Variants in VIRMA observed in about 807,000 individuals in gnomAD.
The protein encoded by VIRMA is vir like m6A methyltransferase associated.
VIRMA carries 65 observed loss-of-function variants against 182.4 expected under a neutral mutation model. The observed-to-expected ratio is 0.36, with a 90% CI of 0.29 to 0.44. The LOEUF is 0.44. VIRMA is among the 20% of genes least tolerant of loss of function. VIRMA has a pLI of 1.00. For synonymous variants in VIRMA, 709 were observed against 743.1 expected (o/e 0.95, Z 0.75); for missense variants, 1,752 against 2,158.1 (o/e 0.81, Z 3.73).
Position 94,527,127 on chromosome 8 carries a change from T to G in VIRMA, c.1117A>C (p.Lys373Gln). The change falls in exon 8 of 24, where the codon AAA becomes CAA. Residue 373 changes from lysine to glutamine, a missense_variant. Around this residue, in one of 11 missense-constraint regions of VIRMA, gnomAD observed 401 missense variants for 455.1 expected, o/e 0.88. Coordinates refer to ENST00000297591, the MANE Select transcript of VIRMA (RefSeq NM_015496.5). ...GCTTCGATTGCCCCTGAATTTTCTT[T>G]ATCTGGACCTTGATCCTTCATTCTA... The part of the protein sequence containing the change: ...ISRMKDQGPD[K>Q]ENSGAIEASV... The G allele has an allele frequency of 6.2e-7, 1 of 1,614,186 alleles. No homozygotes were observed. Among genetic ancestry groups the G allele is most frequent in the African/African-American group, 1.3e-5 (1 of 75,040 alleles).
intron 6 of VIRMA, 64 bp downstream of exon 6, chr8:94,530,899 A>C: frequency 6.4e-7 from 1 of 1,551,878 alleles, no homozygotes; most frequent in Non-Finnish European, 8.7e-7. Context: ...AGACCATCTC[A>C]AAACAAAAAC....
intron 16 of VIRMA, 29 bp downstream of exon 16, chr8:94,506,469 TGA>T: frequency 7.1e-7 from 1 of 1,398,700 alleles, no homozygotes; most frequent in Non-Finnish European, 1.0e-6. Context: ...AAATTAAATC[TGA>T]GAGTATATTA....
rs1433383142 is a variant in VIRMA, at chr8:94,519,120, A to C, written c.2378T>G (p.Leu793Trp). 1 of 1,614,004 alleles carries C rather than the reference A, an allele frequency of 6.2e-7. No homozygotes were observed. Among genetic ancestry groups the C allele is most frequent in the African/African-American group, 1.3e-5 (1 of 74,938 alleles). Residue 793 changes from leucine (L) to tryptophan (W), a missense_variant, in exon 9 of 24, where the codon TTG becomes TGG. Transcript: ENST00000297591. The stretch of plus-strand genomic sequence containing the variant: ...CAAATAAAGATTGTGCAGGGTTCCC[A>C]AGAGATCTGAATGGTCTGTTTCTTC... ...ASEETDHSDL[L>W]GTLHNLYLIT... is the part of the protein sequence containing the mutation.
At chr8:94,526,119 A>G in intron 8 of VIRMA, 104 bp downstream of exon 8, 1 of 806,466 alleles carries the variant, frequency 1.2e-6, no homozygotes, top group Non-Finnish European at 2.0e-6. Flanking sequence ...GTATCCTTAC[A>G]CATAAATAAG....
Position 94,543,933 on chromosome 8 carries a change from G to A in VIRMA, c.73C>T (p.His25Tyr), listed in dbSNP as rs2130389248. 1.3e-6 allele frequency: 2 copies of A among 1,596,724 alleles called. No homozygotes were observed. Among genetic ancestry groups the A allele is most frequent in the Non-Finnish European group, 8.6e-7 (1 of 1,167,616 alleles). The part of the protein sequence containing the change: ...FKHPSAEQSS[H>Y]IDVVRFPCVV... ...CATGGAAAACGAACCACATCTATATGAGAACTTTGCTGTAACAAAAAAAAA... is the reference window on the plus strand; with the variant it reads ...CATGGAAAACGAACCACATCTATATAAGAACTTTGCTGTAACAAAAAAAAA... Residue 25 changes from histidine to tyrosine, a missense_variant, in exon 2 of 24, where the codon CAT becomes TAT. This residue lies in a region of VIRMA where 195 missense variants were observed against 191.7 expected (regional missense o/e 1.02). Transcript: ENST00000297591.
At chr8:94,543,316 ACTTGGAC>A in intron 2 of VIRMA, among the ~76,000 whole-genome samples, 1 of 148,374 alleles carries the variant, frequency 6.7e-6, no homozygotes, top group Non-Finnish European at 1.5e-5. Context: ...CAGGAGACTC[ACTTGGAC>A]CCAGGAGGCA....
At chr8:94,504,668 G>A (rs535207788) in intron 16 of VIRMA, among the ~76,000 whole-genome samples, 1 of 152,144 alleles carries the variant, frequency 6.6e-6, no homozygotes, top group South Asian at 2.1e-4. Context: ...CTATTGCAAT[G>A]GGCTATGCAA....
Position 94,492,666 on chromosome 8 carries a change from G to A in VIRMA, c.4794C>T (p.Thr1598=). The change falls in exon 21 of 24, where the codon ACC becomes ACT. Residue 1598 remains threonine, a synonymous_variant. Transcript: ENST00000297591. ...GFKLGKHKHE[T]FITSSGKSEY... The stretch of plus-strand genomic sequence containing the variant: ...ATAAATTTTACCTTGACGTTATAAA[G>A]GTCTCATGCTTGTGCTTCCCAAGTT... 1.2e-6 allele frequency: 2 copies of A among 1,613,398 alleles called. No individual in the cohort carries two copies. The highest frequency in any genetic ancestry group is 1.7e-6 in the Non-Finnish European group (2 of 1,179,560).
At position 94,526,909 on chromosome 8, in the gene VIRMA, A is replaced by C; in HGVS notation, c.1335T>G (p.Leu445=). ...TMQALNLQVA[L]RQPIALNVRQ... ...GAACATTTAAGGCGATAGGTTGGCG[A>C]AGCGCTACTTGTAAATTTAAAGCTT... Residue 445 remains leucine (L), a synonymous_variant, in exon 8 of 24, where the codon CTT becomes CTG. Coordinates refer to ENST00000297591, the MANE Select transcript of VIRMA (RefSeq NM_015496.5). 1 of 1,614,188 alleles carries C rather than the reference A, an allele frequency of 6.2e-7. No homozygotes were observed. Among genetic ancestry groups the C allele is most frequent in the Non-Finnish European group, 8.5e-7 (1 of 1,180,022 alleles).
chr8:94,534,772 G>C, intron 5 of VIRMA, 67 bp downstream of exon 5: 2 of 1,510,962 alleles, frequency 1.3e-6, no homozygotes, highest in Non-Finnish European at 1.8e-6. Flanking sequence ...AGTGCTCTTC[G>C]AATTATTTTT....
chr8:94,491,741 A>T lies in VIRMA; in HGVS notation c.4977T>A (p.Ala1659=), dbSNP rs774412750. The change falls in exon 22 of 24, where the codon GCT becomes GCA. Residue 1659 remains alanine, a synonymous_variant. Transcript: ENST00000297591. ...GAGGAACCACTTCTTTACTTTCAGC[A>T]GCAACAAAGTCATCCACATGCATAG... The part of the protein sequence containing the change: ...PPSMHVDDFV[A]AESKEVVPQD... The T allele has an allele frequency of 1.9e-6, 3 of 1,614,106 alleles. No homozygotes were observed. Among genetic ancestry groups the T allele is most frequent in the Non-Finnish European group, 2.5e-6 (3 of 1,180,022 alleles).
Position 94,491,926 on chromosome 8 carries a change from A to G in VIRMA, c.4809-17T>C. 2.0e-6 allele frequency: 3 copies of G among 1,495,950 alleles called. No individual in the cohort carries two copies. The highest frequency in any genetic ancestry group is 2.8e-5 in the African/African-American group (2 of 71,370). The allele number at this position is 1,495,950 out of a possible 1,614,324, so 92.7% of individuals were successfully genotyped here. On this transcript the variant is annotated splice_polypyrimidine_tract_variant and intron_variant, in intron 21 of 23. Coordinates refer to ENST00000297591, the MANE Select transcript of VIRMA (RefSeq NM_015496.5). ...GATTTTCCACTATTAAAACAAAAAC[A>G]TGCCATAAAACATTTTTCTTTCAGG...
chr8:94,537,080 T>C, intron 4 of VIRMA, 23 bp downstream of exon 4: 2 of 1,533,322 alleles, frequency 1.3e-6, no homozygotes, highest in South Asian at 2.2e-5. Context: ...AATGACAAGC[T>C]GAAAACTGAC....
At chr8:94,496,267 T>G (rs1813770497) in intron 18 of VIRMA, 61 bp downstream of exon 18, 6 of 1,414,982 alleles carry the variant, frequency 4.2e-6, no homozygotes, top group Non-Finnish European at 5.8e-6. Context: ...ACGAAATACT[T>G]GTACTAGTCA....
intron 15 of VIRMA, among the ~76,000 whole-genome samples, chr8:94,508,323 A>G (rs1173816628): frequency 6.6e-6 from 1 of 152,104 alleles, no homozygotes; most frequent in Admixed American, 6.6e-5. Flanking sequence ...TGATCTCGTG[A>G]TCCACCCATC....
intron 11 of VIRMA, among the ~76,000 whole-genome samples, chr8:94,514,135 ACACT>A (rs910173402): frequency 1.3e-4 from 20 of 152,220 alleles, no homozygotes; most frequent in African/African-American, 3.9e-4. Flanking sequence ...GTGTGCGCAC[ACACT>A]CACGCACAGA....
At chr8:94,519,583 T>A in intron 8 of VIRMA, 107 bp from the exon 9 acceptor site, 1 of 1,156,082 alleles carries the variant, frequency 8.6e-7, no homozygotes, top group Non-Finnish European at 1.2e-6. Flanking sequence ...ATAATCCTTA[T>A]CCTCAGTAAT....
At chr8:94,527,926 T>C (rs931461629) in intron 7 of VIRMA, among the ~76,000 whole-genome samples, 3 of 152,288 alleles carry the variant, frequency 2.0e-5, no homozygotes, top group South Asian at 2.1e-4. Context: ...TATATTTTGA[T>C]AGAAAATGTG....
intron 15 of VIRMA, among the ~76,000 whole-genome samples, chr8:94,507,915 G>GTATATATATATGTATATATGTATA (rs1814223065): frequency 1.3e-5 from 1 of 76,400 alleles, no homozygotes; most frequent in Non-Finnish European, 3.0e-5. Context: ...ATATATGTAT[G>GTATATATATATGTATATATGTATA]TGTATATATG....
Sources: gnomAD v4.1 joint callset for allele counts (sites outside exome capture counted in the v4.1 genomes callset) on GRCh38, gnomAD v4.1.1 for gene constraint, gnomAD v4.1.1 regional missense constraint, MANE v1.5 for transcripts, NCBI Gene and HGNC (gene_info 2026-07-23, HGNC 2026-07-21) for gene names.